Variants in SPIDR observed in about 807,000 individuals in gnomAD.
SPIDR encodes scaffold protein involved in DNA repair.
A neutral mutation model predicts 104.6 loss-of-function variants in SPIDR; 93 were observed. That is an observed-to-expected ratio of 0.89 (90% confidence interval 0.75 to 1.06). The LOEUF (loss-of-function observed/expected upper bound fraction) is 1.06, where lower values mean the gene tolerates loss of function less well. Among genes scored for constraint, SPIDR ranks in the 50% least tolerant of loss-of-function variants. SPIDR has a pLI of 0.00. For missense variants in SPIDR, 1,154 were observed against 1,111.2 expected (o/e 1.04, Z -0.55); for synonymous variants, 431 against 416.9 (o/e 1.03, Z -0.41).
chr8:47,557,186 A>T (rs2091425169), intron 8 of SPIDR, among the ~76,000 whole-genome samples: 1 of 152,202 alleles, frequency 6.6e-6, no homozygotes, highest in Non-Finnish European at 1.5e-5. Context: ...TCTGAGAAAA[A>T]TAATTTTGAG....
chr8:47,559,337 A>C (rs1182493157), intron 8 of SPIDR, among the ~76,000 whole-genome samples: 2 of 152,224 alleles, frequency 1.3e-5, no homozygotes, highest in African/African-American at 4.8e-5. Context: ...CCCTCTGACT[A>C]AAGCTGCTGT....
chr8:47,452,881 GAAAT>G (rs1468822495), intron 8 of SPIDR, among the ~76,000 whole-genome samples: 1 of 152,092 alleles, frequency 6.6e-6, no homozygotes, highest in Non-Finnish European at 1.5e-5. Flanking sequence ...GCAGGAGAAA[GAAAT>G]AAAGGGTATT....
intron 9 of SPIDR, among the ~76,000 whole-genome samples, chr8:47,596,962 G>GA (rs1480924530): frequency 5.9e-5 from 9 of 152,200 alleles, no homozygotes; most frequent in Admixed American, 2.0e-4. Flanking sequence ...TGTCCCACTG[G>GA]AATGTGTTGA....
At chr8:47,284,902 C>G (rs1352481181) in intron 3 of SPIDR, among the ~76,000 whole-genome samples, 5 of 152,198 alleles carry the variant, frequency 3.3e-5, no homozygotes, top group African/African-American at 1.2e-4. Flanking sequence ...GGGTGGATAT[C>G]AGGTAGGCCG....
At chr8:47,447,014 G>A (rs1240892103) in intron 8 of SPIDR, among the ~76,000 whole-genome samples, 2 of 152,158 alleles carry the variant, frequency 1.3e-5, no homozygotes, top group East Asian at 3.9e-4. Context: ...AGTATGGAAA[G>A]AGTTGATTCC....
In SPIDR at chr8:47,368,343, CAAAAAAAAAAAAAAAAAAAAAAAAA is replaced by C. The variant is rs34106189; in HGVS notation, c.526-28016_526-27992del. ...ACAGAGTCAGAAGGAGTTGAGAAGTCAAAAAAAAAAAAAAAAAAAAAAAAAAAAAAAAAAAAAAAAAGGATTTTGC... is the reference window on the plus strand; with the variant it reads ...ACAGAGTCAGAAGGAGTTGAGAAGTCAAAAAAAAAAAAAAAAGGATTTTGC... On this transcript the variant is annotated intron_variant, in intron 5 of 19. Coordinates refer to ENST00000297423, the MANE Select transcript of SPIDR (RefSeq NM_001080394.4). Among the ~76,000 whole-genome samples the C allele has an allele frequency of 2.6e-3, 130 of 49,428 alleles. 3 individuals are homozygous for C. The highest frequency in any genetic ancestry group is 0.019 in the South Asian group (26 of 1,400). The allele number at this position is 49,428 out of a possible 152,430, so 32.4% of individuals were successfully genotyped here.
intron 3 of SPIDR, among the ~76,000 whole-genome samples, chr8:47,290,712 AC>A (rs2039757464): frequency 6.6e-6 from 1 of 152,096 alleles, no homozygotes; most frequent in Non-Finnish European, 1.5e-5. Context: ...TTCATCAAAT[AC>A]CCCAGAAAGT....
intron 5 of SPIDR, among the ~76,000 whole-genome samples, chr8:47,327,611 G>A (rs2047910624): frequency 6.6e-6 from 1 of 152,026 alleles, no homozygotes; most frequent in African/African-American, 2.4e-5. Context: ...TGCCCAGGTT[G>A]GAGTGGAGTG....
At chr8:47,312,006 G>A (rs1416675401) in intron 5 of SPIDR, among the ~76,000 whole-genome samples, 1 of 152,140 alleles carries the variant, frequency 6.6e-6, no homozygotes, top group African/African-American at 2.4e-5. Flanking sequence ...TGCTGAGAAT[G>A]ATGGTTTCCA....
intron 10 of SPIDR, among the ~76,000 whole-genome samples, chr8:47,613,141 A>C (rs1275475169): frequency 6.6e-6 from 1 of 152,216 alleles, no homozygotes; most frequent in African/African-American, 2.4e-5. Context: ...CATATTAAGC[A>C]GTCCCTCCCC....
At chr8:47,591,776 C>T (rs2061038149) in intron 8 of SPIDR, among the ~76,000 whole-genome samples, 1 of 151,832 alleles carries the variant, frequency 6.6e-6, no homozygotes, top group African/African-American at 2.4e-5. Flanking sequence ...AACTACCTCC[C>T]CCCTCAAAAA....
intron 8 of SPIDR, among the ~76,000 whole-genome samples, chr8:47,450,855 T>TTA (rs1460683834): frequency 6.6e-6 from 1 of 152,182 alleles, no homozygotes; most frequent in African/African-American, 2.4e-5. Context: ...GTTGAACACT[T>TTA]ACAGCAAATA....
intron 11 of SPIDR, among the ~76,000 whole-genome samples, chr8:47,686,836 T>A (rs1036052519): frequency 4.6e-5 from 7 of 152,196 alleles, no homozygotes; most frequent in African/African-American, 1.7e-4. Context: ...CTGTTTTTGT[T>A]AAACAACAGC....
Position 47,706,407 on chromosome 8 carries a change from C to A in SPIDR, c.1977+4392C>A, listed in dbSNP as rs7009387. On this transcript the variant is annotated intron_variant, in intron 14 of 19. Coordinates refer to ENST00000297423, the MANE Select transcript of SPIDR (RefSeq NM_001080394.4). ...GACTCTGTCTCAACAACAACAACAA[C>A]AAAAAACAAGAAACTGACACAGGAA... 8.4e-3 allele frequency among the ~76,000 whole-genome samples: 1,274 copies of A among 152,148 alleles called. 28 individuals are homozygous for A. The highest frequency in any genetic ancestry group is 0.028 in the African/African-American group (1,166 of 41,488).
intron 7 of SPIDR, among the ~76,000 whole-genome samples, chr8:47,426,343 T>C (rs2066409992): frequency 6.6e-6 from 1 of 152,082 alleles, no homozygotes; most frequent in African/African-American, 2.4e-5. Flanking sequence ...ACAGCAATAT[T>C]GTAAATTGAT....
At chr8:47,505,292 A>T (rs1384406642) in intron 8 of SPIDR, among the ~76,000 whole-genome samples, 1 of 151,856 alleles carries the variant, frequency 6.6e-6, no homozygotes, top group East Asian at 1.9e-4. Flanking sequence ...ACCCAGTTCG[A>T]GCTTCCCCGC....
chr8:47,682,410 G>C (rs1007773239), intron 11 of SPIDR, among the ~76,000 whole-genome samples: 1 of 152,148 alleles, frequency 6.6e-6, no homozygotes, highest in Non-Finnish European at 1.5e-5. Context: ...AATGGGGTTG[G>C]GGTCTACTTT....
intron 14 of SPIDR, 112 bp downstream of exon 14, chr8:47,702,127 ACACACACACG>A: frequency 2.0e-6 from 2 of 1,014,522 alleles, no homozygotes; most frequent in Non-Finnish European, 3.0e-6. Flanking sequence ...ACACACACAC[ACACACACACG>A]GTGTTAGAGG....
intron 10 of SPIDR, among the ~76,000 whole-genome samples, chr8:47,647,652 GAGGGAGAGAGA>G (rs2070743928): frequency 2.5e-5 from 3 of 122,262 alleles, no homozygotes; most frequent in Admixed American, 8.7e-5. Flanking sequence ...GAGAGAGAGA[GAGGGAGAGAGA>G]GAGAGGGAGA....
Sources: gnomAD v4.1 joint callset for allele counts (sites outside exome capture counted in the v4.1 genomes callset) on GRCh38, gnomAD v4.1.1 for gene constraint, MANE v1.5 for transcripts, NCBI Gene and HGNC (gene_info 2026-07-23, HGNC 2026-07-21) for gene names.